The following NCOR2 variants were observed in gnomAD, a reference collection of about 807,000 sequenced individuals.
NCOR2 encodes CTG repeat protein 26.
A neutral mutation model predicts 262.9 loss-of-function variants in NCOR2; 81 were observed. The observed-to-expected ratio is 0.31, with a 90% CI of 0.26 to 0.37. The LOEUF is 0.37. Among genes scored for constraint, NCOR2 ranks in the 10% least tolerant of loss-of-function variants. The pLI, the probability that NCOR2 is intolerant of heterozygous loss-of-function variation, is 1.00. For missense variants in NCOR2, 3,385 were observed against 3,621.4 expected (o/e 0.93, Z 1.68); for synonymous variants, 1,659 against 1,559.3 (o/e 1.06, Z -1.51).
chr12:124,368,558 G>A (rs2039223054), intron 20 of NCOR2, among the ~76,000 whole-genome samples: 1 of 152,194 alleles, frequency 6.6e-6, no homozygotes, highest in Non-Finnish European at 1.5e-5. Flanking sequence ...TCTGCCCTGG[G>A]CTGCTCACTC....
Position 124,378,391 on chromosome 12 carries a change from C to A in NCOR2, c.2020-7G>T, listed in dbSNP as rs754454887. ...GCGCGTTCCTCTCCTTCTCCTGGGG[C>A]ACAGGGAAGCAGCAGATCAGGACTG... is the stretch of plus-strand genomic sequence containing the variant. On this transcript the variant is annotated splice_polypyrimidine_tract_variant and splice_region_variant and intron_variant, in intron 17 of 46. Transcript: ENST00000405201. This position sits in a 1 kb window ranked among gnomAD's most constrained non-coding sequence, Gnocchi z 4.2. The A allele has an allele frequency of 6.2e-7, 1 of 1,608,380 alleles. No individual in the cohort carries two copies. The highest frequency in any genetic ancestry group is 8.5e-7 in the Non-Finnish European group (1 of 1,178,204).
chr12:124,333,067 G>A (rs546058256), intron 42 of NCOR2, 63 bp downstream of exon 44: 40 of 1,522,762 alleles, frequency 2.6e-5, no homozygotes, highest in Non-Finnish European at 3.2e-5. Context: ...GGTGGACTGG[G>A]GCCAAGGATG....
At chr12:124,327,959 C>T (rs1000905430) in intron 44 of NCOR2, among the ~76,000 whole-genome samples, 1 of 151,920 alleles carries the variant, frequency 6.6e-6, no homozygotes, top group African/African-American at 2.4e-5. Context: ...CCTATTCTGT[C>T]CTCTGGGAAA....
chr12:124,447,891 C>G (rs1211691811), intron 7 of NCOR2, among the ~76,000 whole-genome samples: 5 of 152,084 alleles, frequency 3.3e-5, no homozygotes, highest in Non-Finnish European at 5.9e-5. Context: ...CTATGTTTGG[C>G]CAGGCTGGTC....
intron 4 of NCOR2, among the ~76,000 whole-genome samples, chr12:124,471,203 C>T (rs1272926745): frequency 6.6e-6 from 1 of 152,230 alleles, no homozygotes; most frequent in Non-Finnish European, 1.5e-5. Context: ...TGCTCTCCCC[C>T]TGGAGCGTCC....
chr12:124,327,469 G>A (rs2034781243), exon 45 of NCOR2: 1 of 1,613,256 alleles, frequency 6.2e-7, no homozygotes, highest in African/African-American at 1.3e-5. Flanking sequence ...ATAGCAGCGG[G>A]CAGGCTGGCA....
intron 19 of NCOR2, among the ~76,000 whole-genome samples, chr12:124,373,711 T>C (rs112270253): frequency 1.7e-5 from 1 of 57,444 alleles, no homozygotes; most frequent in African/African-American, 5.5e-5. Context: ...TGGACAATCA[T>C]GAGGCCAGTG....
chr12:124,346,428 T>G, intron 31 of NCOR2, 136 bp downstream of exon 33: 30 of 980,440 alleles, frequency 3.1e-5, no homozygotes, highest in Non-Finnish European at 3.9e-5. Context: ...GGCCCGGTGA[T>G]GAGCAGCTGG....
rs540509913 is a variant in NCOR2, at chr12:124,429,172, G to C, written c.1149+441C>G. ...GCGTGCTGGGAACTCTTCGGCCTGC[G>C]CCATGCTCCCCCCACCCTGCCAGGC... is the stretch of plus-strand genomic sequence containing the variant. On this transcript the variant is annotated intron_variant, in intron 10 of 46. Coordinates refer to ENST00000405201, the Ensembl canonical transcript of NCOR2. Among the ~76,000 whole-genome samples the C allele has an allele frequency of 2.0e-5, 3 of 152,356 alleles. No individual in the cohort carries two copies. The South Asian group carries it at 6.2e-4, about 32-fold the overall frequency.
Position 124,350,998 on chromosome 12 carries a change from G to C in NCOR2, c.3694-261C>G, listed in dbSNP as rs73419866. 3.6e-3 allele frequency among the ~76,000 whole-genome samples: 555 copies of C among 152,292 alleles called. 2 individuals are homozygous for C. Among genetic ancestry groups the C allele is most frequent in the African/African-American group, 0.013 (529 of 41,548 alleles). The stretch of plus-strand genomic sequence containing the variant: ...CTATGGATTTGCTCATTTAATCCTC[G>C]AAACAACCCTAAGACAACCCTATTG... On this transcript the variant is annotated intron_variant, in intron 27 of 46. Coordinates refer to ENST00000405201, the Ensembl canonical transcript of NCOR2.
At chr12:124,518,751 C>T (rs530642400) in intron 1 of NCOR2, among the ~76,000 whole-genome samples, 3 of 152,368 alleles carry the variant, frequency 2.0e-5, no homozygotes, top group East Asian at 1.9e-4. Flanking sequence ...CTCGGCTCTT[C>T]GCTCGCTGGC....
chr12:124,344,364 G>C (rs1427602479), intron 32 of NCOR2, among the ~76,000 whole-genome samples: 2 of 152,240 alleles, frequency 1.3e-5, no homozygotes, highest in African/African-American at 4.8e-5. Flanking sequence ...AGCAGGAAGA[G>C]GGAGGGGCGT....
chr12:124,373,317 A>G (rs71445271), intron 19 of NCOR2, among the ~76,000 whole-genome samples: 6 of 25,084 alleles, frequency 2.4e-4, no homozygotes, highest in Admixed American at 4.9e-4. Flanking sequence ...ACAGTGGACA[A>G]TCATGAGGCC....
intron 5 of NCOR2, among the ~76,000 whole-genome samples, chr12:124,459,708 C>T (rs2046062588): frequency 2.6e-5 from 4 of 152,208 alleles, no homozygotes; most frequent in Non-Finnish European, 5.9e-5. Context: ...GAGATACCCT[C>T]TAGAACGTGG....
chr12:124,505,737 G>A (rs1008621946), intron 1 of NCOR2, among the ~76,000 whole-genome samples: 1 of 152,164 alleles, frequency 6.6e-6, no homozygotes, highest in African/African-American at 2.4e-5. Flanking sequence ...GGAGAGCGTG[G>A]CTGTTACTGC....
intron 37 of NCOR2, among the ~76,000 whole-genome samples, chr12:124,339,298 CCCAT>C (rs147095017): frequency 6.1e-4 from 79 of 129,738 alleles, no homozygotes; most frequent in East Asian, 3.4e-3. Context: ...CAACCACCTG[CCCAT>C]CCATCCATCC....
exon 32 of NCOR2, chr12:124,344,870 C>A: frequency 1.3e-6 from 2 of 1,576,530 alleles, no homozygotes; most frequent in East Asian, 2.3e-5. Flanking sequence ...AACGTCCGGC[C>A]GGGGCTGCCG....
intron 1 of NCOR2, among the ~76,000 whole-genome samples, chr12:124,532,723 G>T (rs1416077446): frequency 6.6e-6 from 1 of 152,154 alleles, no homozygotes; most frequent in Non-Finnish European, 1.5e-5. Context: ...GCCGATGGAC[G>T]GGGGACAGAG....
rs1565890764 is a variant in NCOR2, at chr12:124,378,381, TCTC to T, written c.2020_2022del (p.Glu674del). On this transcript the variant is annotated inframe_deletion and splice_region_variant, in exon 18 of 47. Transcript: ENST00000405201. The surrounding 1 kb of genome is among the most constrained non-coding windows in gnomAD (Gnocchi z 4.2). ...TTCTTCCTCCGCGCGTTCCTCTCCT[TCTC>T]CTGGGGCACAGGGAAGCAGCAGATC... is the stretch of plus-strand genomic sequence containing the variant. The T allele has an allele frequency of 1.2e-6, 2 of 1,610,862 alleles. No homozygotes were observed. The highest frequency in any genetic ancestry group is 3.3e-5 in the Admixed American group (2 of 59,872).
Sources: gnomAD v4.1 joint callset for allele counts (sites outside exome capture counted in the v4.1 genomes callset) on GRCh38, gnomAD v4.1.1 for gene constraint, Gnocchi (gnomAD v3.1) non-coding constraint, MANE v1.5 for transcripts, NCBI Gene and HGNC (gene_info 2026-07-23, HGNC 2026-07-21) for gene names.